Variants in MAP3K4 observed in about 807,000 individuals in gnomAD.
The protein encoded by MAP3K4 is mitogen-activated protein kinase kinase kinase 4.
MAP3K4 carries 67 observed loss-of-function variants against 185.6 expected under a neutral mutation model. The ratio of observed to expected loss-of-function variants is 0.36; its 90% CI spans 0.30 to 0.44. MAP3K4 has a LOEUF of 0.44. Among genes scored for constraint, MAP3K4 ranks in the 20% least tolerant of loss-of-function variants. MAP3K4 has a pLI of 1.00. For synonymous variants in MAP3K4, 702 were observed against 710.4 expected (o/e 0.99, Z 0.19); for missense variants, 1,551 against 1,995.1 (o/e 0.78, Z 4.24).
At position 161,108,417 on chromosome 6, in the gene MAP3K4, G is replaced by T. The variant is rs757980293; in HGVS notation, c.4120-326G>T. On this transcript the variant is annotated intron_variant, in intron 21 of 26. Transcript: ENST00000392142. This position sits in a 1 kb window ranked among gnomAD's most constrained non-coding sequence, Gnocchi z 5.7. ...TCACTGCTGTCTGTGGAGACATCCG[G>T]TTTGACGTGGAAGGAGGAGAGGAGT... is the stretch of plus-strand genomic sequence containing the variant. Among the ~76,000 whole-genome samples, 2 of 152,182 alleles carry T rather than the reference G, an allele frequency of 1.3e-5. No homozygotes were observed. Among genetic ancestry groups the T allele is most frequent in the Admixed American group, 6.5e-5 (1 of 15,274 alleles).
chr6:160,997,690 T>C (rs1223443367), intron 1 of MAP3K4, among the ~76,000 whole-genome samples: 1 of 152,242 alleles, frequency 6.6e-6, no homozygotes, highest in Non-Finnish European at 1.5e-5. Context: ...ACCGGCTGTG[T>C]CTGCCCTACT....
rs1292534024 is a variant in MAP3K4, at chr6:161,085,481, C to A, written c.2372+864C>A. Among the ~76,000 whole-genome samples, 3 of 152,194 alleles carry A rather than the reference C, an allele frequency of 2.0e-5. No individual in the cohort carries two copies. The East Asian group carries it at 5.8e-4, about 29-fold the overall frequency. Reference sequence around the variant, plus strand: ...TATAGCAACTTTGTGGCCATAGAATCAGCAAGGTCATATGAGTCAAACTTG... The same window carrying A: ...TATAGCAACTTTGTGGCCATAGAATAAGCAAGGTCATATGAGTCAAACTTG... On this transcript the variant is annotated intron_variant, in intron 7 of 26. Transcript: ENST00000392142.
At chr6:161,021,719 C>G (rs1782398573) in intron 1 of MAP3K4, among the ~76,000 whole-genome samples, 1 of 152,164 alleles carries the variant, frequency 6.6e-6, no homozygotes, top group South Asian at 2.1e-4. Context: ...ATTGAAAGCT[C>G]CATGAGGGCA....
chr6:161,116,407 G>T lies in MAP3K4; in HGVS notation c.4807-443G>T, dbSNP rs1002373321. Among the ~76,000 whole-genome samples, 5 of 152,056 alleles carry T rather than the reference G, an allele frequency of 3.3e-5. No homozygotes were observed. The highest frequency in any genetic ancestry group is 1.3e-4 in the Admixed American group (2 of 15,262). On this transcript the variant is annotated intron_variant, in intron 26 of 26. Transcript: ENST00000392142. This position sits in a 1 kb window ranked among gnomAD's most constrained non-coding sequence, Gnocchi z 6.2. ...ACAAGGGGATGAGAACAGAGCCCTGGAGAAAAGAGCCTTGCAAGGGCCCTG... is the reference window on the plus strand; with the variant it reads ...ACAAGGGGATGAGAACAGAGCCCTGTAGAAAAGAGCCTTGCAAGGGCCCTG...
In MAP3K4 at chr6:161,107,873, G is replaced by A. The variant is rs201794054; in HGVS notation, c.4049-26G>A. The A allele has an allele frequency of 1.2e-4, 189 of 1,591,384 alleles. 1 individual carries two copies. The African/African-American group carries it at 2.3e-3, about 19-fold the overall frequency. On this transcript the variant is annotated intron_variant, in intron 20 of 26. Coordinates refer to ENST00000392142, the MANE Select transcript of MAP3K4 (RefSeq NM_005922.4). The surrounding 1 kb of genome is among the most constrained non-coding windows in gnomAD (Gnocchi z 6.2). ...AGACAGCCCCCTGCAGTGGCTGGAA[G>A]TGCAGCTTGTTTGCATTGTTCACAG...
chr6:161,032,589 T>C (rs925516199), intron 1 of MAP3K4, among the ~76,000 whole-genome samples: 1 of 152,222 alleles, frequency 6.6e-6, no homozygotes, highest in Non-Finnish European at 1.5e-5. Flanking sequence ...TATGCTGCTT[T>C]TCATTCCAAA....
At chr6:160,999,322 T>C (rs1315038864) in intron 1 of MAP3K4, among the ~76,000 whole-genome samples, 1 of 152,236 alleles carries the variant, frequency 6.6e-6, no homozygotes, top group African/African-American at 2.4e-5. Context: ...TTTTGGACGA[T>C]AGTACATTTA....
At chr6:161,038,114 T>C (rs1309646586) in intron 2 of MAP3K4, among the ~76,000 whole-genome samples, 2 of 152,144 alleles carry the variant, frequency 1.3e-5, no homozygotes, top group Non-Finnish European at 2.9e-5. Context: ...GTTCTTTCCT[T>C]ATTTCTCCTC....
chr6:161,013,067 CTT>C (rs2115085136), intron 1 of MAP3K4, among the ~76,000 whole-genome samples: 1 of 152,236 alleles, frequency 6.6e-6, no homozygotes, highest in Non-Finnish European at 1.5e-5. Flanking sequence ...ATTTTGAACA[CTT>C]TTAAAGGTTT....
Position 161,075,228 on chromosome 6 carries a change from T to G in MAP3K4, c.2097+1616T>G, listed in dbSNP as rs1233663660. 6.6e-6 allele frequency among the ~76,000 whole-genome samples: 1 copy of G among 152,200 alleles called. No individual in the cohort carries two copies. Among genetic ancestry groups the G allele is most frequent in the Non-Finnish European group, 1.5e-5 (1 of 68,036 alleles). Reference sequence around the variant, plus strand: ...GAAACGCAGTGGTGTGTTGACGGCTTCCTGTAGTCTCAACCTACTGGGCTC... The same window carrying G: ...GAAACGCAGTGGTGTGTTGACGGCTGCCTGTAGTCTCAACCTACTGGGCTC... On this transcript the variant is annotated intron_variant, in intron 5 of 26. Coordinates refer to ENST00000392142, the MANE Select transcript of MAP3K4 (RefSeq NM_005922.4). This position sits in a 1 kb window ranked among gnomAD's most constrained non-coding sequence, Gnocchi z 4.3.
At chr6:161,045,963 T>G (rs1182078220) in intron 2 of MAP3K4, among the ~76,000 whole-genome samples, 1 of 152,186 alleles carries the variant, frequency 6.6e-6, no homozygotes, top group East Asian at 1.9e-4. Flanking sequence ...TCTTATCTAC[T>G]ATCACGATAT....
Position 161,084,587 on chromosome 6 carries a change from C to T in MAP3K4, c.2342C>T (p.Ala781Val). Residue 781 changes from alanine to valine, a missense_variant, in exon 7 of 27, where the codon GCG becomes GTG. Ala to Val is a moderately conservative substitution (Grantham distance 64). Transcript: ENST00000392142. This position sits in a 1 kb window ranked among gnomAD's most constrained non-coding sequence, Gnocchi z 4.6. ...QESCAEFWTSADDSSASDEIR... is the reference protein window; with the variant it reads ...QESCAEFWTSVDDSSASDEIR... Reference sequence around the variant, plus strand: ...AGCTGTGCTGAATTTTGGACTAGTGCGGATGACAGCAGTGCTTCCGACGAA... The same window carrying T: ...AGCTGTGCTGAATTTTGGACTAGTGTGGATGACAGCAGTGCTTCCGACGAA... 1.2e-6 allele frequency: 2 copies of T among 1,609,924 alleles called. No homozygotes were observed. The highest frequency in any genetic ancestry group is 1.7e-6 in the Non-Finnish European group (2 of 1,176,256).
intron 1 of MAP3K4, among the ~76,000 whole-genome samples, chr6:161,006,248 C>T (rs1024585405): frequency 9.2e-5 from 14 of 152,174 alleles, no homozygotes; most frequent in Admixed American, 9.2e-4. Context: ...TCCTTGACTT[C>T]TGAGCATTTT....
intron 1 of MAP3K4, among the ~76,000 whole-genome samples, chr6:160,999,946 C>A (rs993475787): frequency 6.6e-6 from 1 of 152,126 alleles, no homozygotes; most frequent in African/African-American, 2.4e-5. Flanking sequence ...ATTTCTTGCT[C>A]GCAGAATAAA....
At chr6:161,041,346 C>T (rs1783440906) in intron 2 of MAP3K4, among the ~76,000 whole-genome samples, 1 of 152,202 alleles carries the variant, frequency 6.6e-6, no homozygotes, top group Non-Finnish European at 1.5e-5. Flanking sequence ...GGAGTGCAGG[C>T]TACTGGCATC....
At chr6:161,015,499 CAGA>C (rs897522411) in intron 1 of MAP3K4, among the ~76,000 whole-genome samples, 2 of 152,082 alleles carry the variant, frequency 1.3e-5, no homozygotes, top group African/African-American at 2.4e-5. Flanking sequence ...CCACCACCAA[CAGA>C]AGAATACTCG....
rs1235048731 is a variant in MAP3K4, at chr6:161,109,873, A to G, written c.4355A>G (p.Asn1452Ser). 3.7e-6 allele frequency: 6 copies of G among 1,614,010 alleles called. No individual in the cohort carries two copies. Among genetic ancestry groups the G allele is most frequent in the African/African-American group, 2.7e-5 (2 of 74,894 alleles). The change falls in exon 23 of 27, where the codon AAC becomes AGC. Residue 1452 changes from asparagine (N) to serine (S), a missense_variant. Transcript: ENST00000392142. This position sits in a 1 kb window ranked among gnomAD's most constrained non-coding sequence, Gnocchi z 5.7. ...LYSKQITIAI[N>S]VLHEHGIVHR... ...TCAAAGCAGATCACCATTGCGATCA[A>G]CGTCCTCCATGAGCATGGCATAGTC...
chr6:161,075,732 G>A lies in MAP3K4; in HGVS notation c.2097+2120G>A, dbSNP rs1020212370. Among the ~76,000 whole-genome samples, 3 of 152,134 alleles carry A rather than the reference G, an allele frequency of 2.0e-5. No homozygotes were observed. Among genetic ancestry groups the A allele is most frequent in the African/African-American group, 7.2e-5 (3 of 41,414 alleles). On this transcript the variant is annotated intron_variant, in intron 5 of 26. Coordinates refer to ENST00000392142, the MANE Select transcript of MAP3K4 (RefSeq NM_005922.4). This position sits in a 1 kb window ranked among gnomAD's most constrained non-coding sequence, Gnocchi z 4.3. ...GTGATAGTGGAAGTCTAGGCTAAGT[G>A]ACTTACCAACATTCACAGCTGGTTA... is the stretch of plus-strand genomic sequence containing the variant.
Position 161,088,032 on chromosome 6 carries a change from T to G in MAP3K4, c.2823+78T>G. 6.9e-7 allele frequency: 1 copy of G among 1,453,688 alleles called. No homozygotes were observed. Among genetic ancestry groups the G allele is most frequent in the East Asian group, 2.4e-5 (1 of 40,826 alleles). 90.0% of individuals were successfully genotyped at this position (1,453,688 alleles called of 1,614,324 possible). ...GAATGAACTGTTAGCTGCTCATGAA[T>G]GAGGGGTTTGACTACCCTAGTAATC... On this transcript the variant is annotated intron_variant, in intron 10 of 26. Coordinates refer to ENST00000392142, the MANE Select transcript of MAP3K4 (RefSeq NM_005922.4). The surrounding 1 kb of genome is among the most constrained non-coding windows in gnomAD (Gnocchi z 4.5).
Sources: allele counts gnomAD v4.1 joint callset (sites outside exome capture counted in the v4.1 genomes callset), GRCh38; gene constraint gnomAD v4.1.1; non-coding constraint Gnocchi (gnomAD v3.1); transcripts MANE v1.5; gene names NCBI Gene and HGNC (gene_info 2026-07-23, HGNC 2026-07-21).